PIK3C3: variants seen among roughly 807,000 people sequenced by gnomAD.
PIK3C3 encodes the protein phosphatidylinositol 3-kinase catalytic subunit type 3.
A neutral mutation model predicts 126.1 loss-of-function variants in PIK3C3; 95 were observed. The observed-to-expected ratio is 0.75, with a 90% CI of 0.64 to 0.89. The LOEUF (loss-of-function observed/expected upper bound fraction) is 0.89. PIK3C3 is among the 40% of genes least tolerant of loss of function. The probability of loss-of-function intolerance (pLI) is 0.00; values close to 1 mark genes in which losing one functional copy is unlikely to be tolerated. For synonymous variants in PIK3C3, 374 were observed against 360.0 expected (o/e 1.04, Z -0.44); for missense variants, 829 against 1,063.2 (o/e 0.78, Z 3.06).
At chr18:41,959,416 T>C (rs995839952) in intron 2 of PIK3C3, among the ~76,000 whole-genome samples, 1 of 152,230 alleles carries the variant, frequency 6.6e-6, no homozygotes, top group African/African-American at 2.4e-5. Context: ...ACGTTTGTAG[T>C]TTTTAAATTG....
In PIK3C3 at chr18:41,955,288, T is replaced by G; in HGVS notation, c.-4T>G. 6.2e-7 allele frequency: 1 copy of G among 1,612,534 alleles called. No individual in the cohort carries two copies. Among genetic ancestry groups the G allele is most frequent in the Non-Finnish European group, 8.5e-7 (1 of 1,179,122 alleles). On this transcript the variant is annotated 5_prime_UTR_variant, in exon 1 of 25. Transcript: ENST00000262039. ...CTGTAGGTGGTACCTTTGCAGACGG[T>G]GCGATGGGGGAAGCAGAGAAGTTTC... is the stretch of plus-strand genomic sequence containing the variant.
At chr18:41,987,707 A>C (rs548711889) in intron 4 of PIK3C3, 105 bp from the exon 5 acceptor site, 2 of 700,148 alleles carry the variant, frequency 2.9e-6, no homozygotes, top group African/African-American at 3.7e-5. Flanking sequence ...TCTATTGTGT[A>C]TAGGAAAGTA....
At chr18:42,027,811 T>C (rs1189343175) in intron 14 of PIK3C3, among the ~76,000 whole-genome samples, 1 of 152,030 alleles carries the variant, frequency 6.6e-6, no homozygotes, top group Non-Finnish European at 1.5e-5. Flanking sequence ...CCCGCTACCA[T>C]GCCCAGCTAA....
intron 21 of PIK3C3, 21 bp downstream of exon 21, chr18:42,049,626 G>A (rs1568000376): frequency 1.3e-6 from 2 of 1,546,832 alleles, no homozygotes; most frequent in Non-Finnish European, 8.9e-7. Context: ...ATGACTACCA[G>A]TAGACATACA....
At position 42,069,055 on chromosome 18, in the gene PIK3C3, A is replaced by G. The variant is rs369155527; in HGVS notation, c.2649+1542A>G. Among the ~76,000 whole-genome samples the G allele has an allele frequency of 3.0e-4, 45 of 152,312 alleles. No individual in the cohort carries two copies. The East Asian group carries it at 8.1e-3, about 27-fold the overall frequency. ...TGTCTATCAGTCACCTAGTAGTGCA[A>G]TGCCTTATATACTTAAAAAATATTT... is the stretch of plus-strand genomic sequence containing the variant. On this transcript the variant is annotated intron_variant, in intron 24 of 24. Coordinates refer to ENST00000262039, the MANE Select transcript of PIK3C3 (RefSeq NM_002647.4).
intron 21 of PIK3C3, chr18:42,050,052 T>G (rs1214465026): frequency 1.3e-5 from 2 of 152,464 alleles, no homozygotes; most frequent in Admixed American, 1.3e-4. Context: ...AAATGTTACC[T>G]TGGAAGAACA....
chr18:42,045,641 T>C (rs1469400841), intron 20 of PIK3C3, among the ~76,000 whole-genome samples: 2 of 152,202 alleles, frequency 1.3e-5, no homozygotes, highest in African/African-American at 4.8e-5. Flanking sequence ...TATCAGCTTA[T>C]AGTATAACTA....
chr18:42,058,203 A>G (rs991372004), intron 22 of PIK3C3, 152 bp downstream of exon 22: 6 of 580,216 alleles, frequency 1.0e-5, no homozygotes, highest in African/African-American at 2.0e-5. Flanking sequence ...TTTAATACCA[A>G]TTTTGACAAA....
intron 6 of PIK3C3, among the ~76,000 whole-genome samples, chr18:41,990,991 TATGAA>T (rs1257612080): frequency 2.0e-5 from 3 of 152,186 alleles, no homozygotes; most frequent in Non-Finnish European, 4.4e-5. Context: ...GAAGTATACT[TATGAA>T]ATACTTCAGA....
At chr18:42,028,137 T>A (rs1359862080) in intron 14 of PIK3C3, among the ~76,000 whole-genome samples, 1 of 152,196 alleles carries the variant, frequency 6.6e-6, no homozygotes, top group Non-Finnish European at 1.5e-5. Context: ...GAAAACTGCA[T>A]GGCCAAGAAG....
At chr18:42,079,639 A>G (rs2144541473) in intron 24 of PIK3C3, among the ~76,000 whole-genome samples, 1 of 152,316 alleles carries the variant, frequency 6.6e-6, no homozygotes, top group East Asian at 1.9e-4. Flanking sequence ...ACAATAAAAC[A>G]AGGTATGCTG....
intron 6 of PIK3C3, among the ~76,000 whole-genome samples, chr18:41,991,184 A>G (rs1054914744): frequency 6.6e-6 from 1 of 152,148 alleles, no homozygotes; most frequent in African/African-American, 2.4e-5. Flanking sequence ...AAGGTGCTTC[A>G]TTTAAGTACT....
intron 24 of PIK3C3, among the ~76,000 whole-genome samples, chr18:42,070,876 T>C (rs1044044982): frequency 4.6e-5 from 7 of 152,170 alleles, no homozygotes; most frequent in African/African-American, 1.4e-4. Flanking sequence ...GCAAAACGAA[T>C]TGGTAAAATT....
At chr18:42,009,633 CATTAT>C (rs1982711543) in intron 10 of PIK3C3, among the ~76,000 whole-genome samples, 1 of 147,378 alleles carries the variant, frequency 6.8e-6, no homozygotes, top group Non-Finnish European at 1.5e-5. Context: ...ATGTAATGTA[CATTAT>C]GTAATGCTTA....
chr18:42,074,049 C>T (rs547139418), intron 24 of PIK3C3, among the ~76,000 whole-genome samples: 1 of 152,092 alleles, frequency 6.6e-6, no homozygotes, highest in Non-Finnish European at 1.5e-5. Flanking sequence ...GTTAACTCTT[C>T]CATTTTTTAG....
chr18:41,982,408 T>A (rs1981251854), intron 4 of PIK3C3, among the ~76,000 whole-genome samples: 1 of 152,164 alleles, frequency 6.6e-6, no homozygotes, highest in African/African-American at 2.4e-5. Context: ...GAGAGAGCAA[T>A]CAAGTTTATA....
chr18:42,028,762 T>C (rs954406768), intron 14 of PIK3C3, among the ~76,000 whole-genome samples: 27 of 152,224 alleles, frequency 1.8e-4, no homozygotes, highest in Non-Finnish European at 3.1e-4. Context: ...CTTACCAGGG[T>C]AATTGGGAAG....
At position 42,081,968 on chromosome 18, in the gene PIK3C3, A is replaced by G. The variant is rs1365903448; in HGVS notation, c.*831A>G. ...TAGATTTCAAAAGCTTTTTGATGTT[A>G]TAAAGGAGTTGAGGAACAAAAAGCT... On this transcript the variant is annotated 3_prime_UTR_variant, in exon 25 of 25. Coordinates refer to ENST00000262039, the MANE Select transcript of PIK3C3 (RefSeq NM_002647.4). 6.6e-6 allele frequency: 1 copy of G among 151,964 alleles called. No individual in the cohort carries two copies. 9.4% of individuals were successfully genotyped at this position (151,964 alleles called of 1,614,324 possible).
chr18:42,013,581 C>A lies in PIK3C3; in HGVS notation c.1310C>A (p.Ser437Tyr). The A allele has an allele frequency of 6.2e-7, 1 of 1,600,648 alleles. No homozygotes were observed. The highest frequency in any genetic ancestry group is 1.1e-5 in the South Asian group (1 of 88,718). Residue 437 changes from serine to tyrosine, a missense_variant, in exon 11 of 25, where the codon TCT becomes TAT. Transcript: ENST00000262039. ...AATGTGTCAAATTCTGGAATAAATT[C>A]TGCAGAAATAGATAGGTATGGATAT... ...SENVSNSGIN[S>Y]AEIDSSQIIT...
Sources: gnomAD v4.1 joint callset for allele counts (sites outside exome capture counted in the v4.1 genomes callset) on GRCh38, gnomAD v4.1.1 for gene constraint, MANE v1.5 for transcripts, NCBI Gene and HGNC (gene_info 2026-07-23, HGNC 2026-07-21) for gene names.